SCOC: variants seen among roughly 807,000 people sequenced by gnomAD.
SCOC encodes short coiled-coil protein, also known as short coiled coil protein.
Under a neutral mutation model 9.9 loss-of-function variants are expected in SCOC, and 7 were observed. That is an observed-to-expected ratio of 0.71 (90% CI 0.40 to 1.33). SCOC has a LOEUF of 1.33. Among genes scored for constraint, SCOC ranks in the 40% most tolerant of loss-of-function variants. The pLI is 0.01. For synonymous variants in SCOC, 19 were observed against 28.2 expected, an observed-to-expected ratio of 0.67 and a Z score of 1.03; for missense variants, 66 against 89.7, an observed-to-expected ratio of 0.74 and a Z score of 1.07.
At chr4:140,330,269 G>T (rs891196706) in intron 1 of SCOC, among the ~76,000 whole-genome samples, 6 of 152,110 alleles carry the variant, frequency 3.9e-5, no homozygotes, top group Non-Finnish European at 8.8e-5. Context: ...ATCTTCATAT[G>T]ATATGTTGGA....
intron 2 of SCOC, among the ~76,000 whole-genome samples, chr4:140,355,839 T>C (rs982992504): frequency 6.6e-6 from 1 of 152,198 alleles, no homozygotes; most frequent in African/African-American, 2.4e-5. Context: ...GAAAAATGTA[T>C]GTATTAGTGT....
At chr4:140,268,561 G>T (rs996422746) in intron 1 of SCOC, among the ~76,000 whole-genome samples, 8 of 152,148 alleles carry the variant, frequency 5.3e-5, no homozygotes, top group Non-Finnish European at 1.5e-5. Context: ...TTTCCCTTTT[G>T]GATAATCACA....
chr4:140,371,521 T>C (rs972967015), upstream of SCOC, among the ~76,000 whole-genome samples: 2 of 152,230 alleles, frequency 1.3e-5, no homozygotes, highest in Admixed American at 1.3e-4. Context: ...GTGTTTTCTA[T>C]ATCCCACGAA....
intron 2 of SCOC, among the ~76,000 whole-genome samples, chr4:140,366,022 C>T (rs1208765073): frequency 6.6e-6 from 1 of 152,152 alleles, no homozygotes; most frequent in East Asian, 1.9e-4. Context: ...CAAAAGCTGA[C>T]AGAGGAACTC....
At chr4:140,257,669 T>C (rs1217892447) in intron 1 of SCOC, among the ~76,000 whole-genome samples, 2 of 152,202 alleles carry the variant, frequency 1.3e-5, no homozygotes, top group Non-Finnish European at 2.9e-5. Flanking sequence ...TTGGGGATAA[T>C]AATAGCTCTC....
chr4:140,355,181 G>A (rs1410048650), intron 2 of SCOC, among the ~76,000 whole-genome samples: 1 of 142,194 alleles, frequency 7.0e-6, no homozygotes, highest in African/African-American at 2.7e-5. Context: ...GGTGAGACTG[G>A]CCCAACTTCT....
chr4:140,321,773 G>C (rs77864063), intron 1 of SCOC, among the ~76,000 whole-genome samples: 13 of 152,280 alleles, frequency 8.5e-5, no homozygotes, highest in African/African-American at 3.1e-4. Context: ...AAATGTTTAA[G>C]AAATAATTGC....
intron 1 of SCOC, among the ~76,000 whole-genome samples, chr4:140,322,352 A>G (rs1483982921): frequency 2.0e-5 from 3 of 152,168 alleles, no homozygotes; most frequent in Non-Finnish European, 4.4e-5. Flanking sequence ...CTGAAGAAGA[A>G]CAGAGGTGTA....
intron 2 of SCOC, chr4:140,366,361 C>G: frequency 8.1e-7 from 1 of 1,241,472 alleles, no homozygotes. Flanking sequence ...TAAGCTGGAG[C>G]CTTCTTGCCT....
At position 140,362,163 on chromosome 4, in the gene SCOC, A is replaced by ACTGGGCAT. The variant is rs752854880; in HGVS notation, c.71-16957_71-16950dup. Reference sequence around the variant, plus strand: ...GAGCCTGGCCATATCTTTGCTTCACACTGGGCATGATTTGCTTCACTGCGA... The same window carrying ACTGGGCAT: ...GAGCCTGGCCATATCTTTGCTTCACACTGGGCATCTGGGCATGATTTGCTTCACTGCGA... On this transcript the variant is annotated intron_variant, in intron 2 of 4. Transcript: ENST00000338517. 2.5e-3 allele frequency among the ~76,000 whole-genome samples: 376 copies of ACTGGGCAT among 151,492 alleles called. 3 individuals carry two copies. The highest frequency in any genetic ancestry group is 3.4e-3 in the Middle Eastern group (1 of 294).
chr4:140,352,068 G>A (rs527985843), intron 2 of SCOC, among the ~76,000 whole-genome samples: 2 of 152,312 alleles, frequency 1.3e-5, no homozygotes, highest in East Asian at 3.9e-4. Flanking sequence ...GGTTAAATAA[G>A]TACACAAGGA....
chr4:140,342,195 CCTGTCTCTGA>C (rs1357571286), upstream of SCOC, among the ~76,000 whole-genome samples: 37 of 152,272 alleles, frequency 2.4e-4, no homozygotes, highest in East Asian at 3.9e-4. Context: ...CCAATACCTT[CCTGTCTCTGA>C]GCTTTTGCCC....
intron 1 of SCOC, among the ~76,000 whole-genome samples, chr4:140,378,096 A>T (rs1728417842): frequency 6.6e-6 from 1 of 152,164 alleles, no homozygotes; most frequent in South Asian, 2.1e-4. Context: ...TTGTAATAAT[A>T]AAATGTTAGT....
intron 1 of SCOC, among the ~76,000 whole-genome samples, chr4:140,273,694 C>A (rs1730910676): frequency 6.6e-6 from 1 of 151,516 alleles, no homozygotes; most frequent in Non-Finnish European, 1.5e-5. Flanking sequence ...GAGAGGCATT[C>A]TCATGGTTTT....
intron 1 of SCOC, among the ~76,000 whole-genome samples, chr4:140,260,833 T>A (rs1024622414): frequency 6.6e-6 from 1 of 152,176 alleles, no homozygotes; most frequent in Non-Finnish European, 1.5e-5. Flanking sequence ...GAAAAGAAAT[T>A]GTTCTGATTT....
chr4:140,354,596 A>T (rs1727128773), intron 2 of SCOC, among the ~76,000 whole-genome samples: 1 of 148,866 alleles, frequency 6.7e-6, no homozygotes, highest in South Asian at 2.1e-4. Context: ...AGGTTGGGAC[A>T]TTTATGCTTT....
upstream of SCOC, chr4:140,373,226 C>A: frequency 8.7e-7 from 1 of 1,144,248 alleles, no homozygotes; most frequent in Non-Finnish European, 1.1e-6. Context: ...ACGCTCTTTT[C>A]TCGAACTTGA....
At chr4:140,371,496 G>A (rs765592545), upstream of SCOC, among the ~76,000 whole-genome samples, 7 of 152,072 alleles carry the variant, frequency 4.6e-5, no homozygotes, top group Non-Finnish European at 1.0e-4. Context: ...AATTTAACTA[G>A]AACCACCATA....
upstream of SCOC, among the ~76,000 whole-genome samples, chr4:140,371,302 A>G (rs931055138): frequency 6.6e-6 from 1 of 152,174 alleles, no homozygotes; most frequent in African/African-American, 2.4e-5. Flanking sequence ...AAAATAATCA[A>G]TATTTTACAT....
Sources: allele counts gnomAD v4.1 joint callset (sites outside exome capture counted in the v4.1 genomes callset), GRCh38; gene constraint gnomAD v4.1.1; transcripts MANE v1.5; gene names NCBI Gene and HGNC (gene_info 2026-07-23, HGNC 2026-07-21).